The following ERBB4 variants were observed in gnomAD, a reference collection of about 807,000 sequenced individuals.
The protein encoded by ERBB4 is erb-b2 receptor tyrosine kinase 4.
Under a neutral mutation model 158.0 loss-of-function variants are expected in ERBB4, and 42 were observed. The ratio of observed to expected loss-of-function variants is 0.27; its 90% CI spans 0.21 to 0.34. ERBB4 has a LOEUF of 0.34. Ranked by LOEUF, ERBB4 falls within the 10% of genes least tolerant of loss-of-function variation. ERBB4 has a pLI of 1.00. For missense variants in ERBB4, 1,333 were observed against 1,624.1 expected (o/e 0.82, Z 3.08); for synonymous variants, 583 against 558.7 (o/e 1.04, Z -0.61).
intron 1 of ERBB4, among the ~76,000 whole-genome samples, chr2:212,152,288 A>G (rs2080897383): frequency 6.6e-6 from 1 of 152,166 alleles, no homozygotes; most frequent in Admixed American, 6.6e-5. Flanking sequence ...GGAGTTATTA[A>G]TAATGCCTTC....
At chr2:212,148,639 G>C (rs1156656214) in intron 1 of ERBB4, among the ~76,000 whole-genome samples, 2 of 152,028 alleles carry the variant, frequency 1.3e-5, no homozygotes, top group Non-Finnish European at 2.9e-5. Context: ...CACAGTTTAA[G>C]AATAGTAAAT....
At chr2:212,432,914 C>G (rs1174561342) in intron 1 of ERBB4, among the ~76,000 whole-genome samples, 1 of 151,930 alleles carries the variant, frequency 6.6e-6, no homozygotes, top group Non-Finnish European at 1.5e-5. Flanking sequence ...GGAATCATCT[C>G]GAAGTCTGAT....
chr2:211,712,376 C>A (rs1265500378), intron 8 of ERBB4, among the ~76,000 whole-genome samples, 200 bp from the exon 9 acceptor site: 1 of 152,092 alleles, frequency 6.6e-6, no homozygotes, highest in African/African-American at 2.4e-5. Flanking sequence ...CTTGTCCCTG[C>A]ATTAAAATCG....
intron 1 of ERBB4, among the ~76,000 whole-genome samples, chr2:212,531,610 G>A (rs989921270): frequency 6.6e-6 from 1 of 152,062 alleles, no homozygotes; most frequent in Admixed American, 6.5e-5. Context: ...TGGTGATGAG[G>A]AACCCACTGT....
intron 3 of ERBB4, among the ~76,000 whole-genome samples, chr2:211,944,053 C>T (rs988497367): frequency 2.2e-5 from 3 of 135,290 alleles, no homozygotes; most frequent in Non-Finnish European, 4.7e-5. Flanking sequence ...AAACGCAAAC[C>T]ATATATATAT....
At chr2:212,299,768 G>A (rs190383406) in intron 1 of ERBB4, among the ~76,000 whole-genome samples, 1 of 151,606 alleles carries the variant, frequency 6.6e-6, no homozygotes, top group Non-Finnish European at 1.5e-5. Flanking sequence ...GCAGTCTGTT[G>A]TTTGAAAAAG....
rs1480128851 is a variant in ERBB4 at position 211,383,544 on chromosome 2, A to C, written c.*71T>G. ...CTGGCCTTGGGGTAGAAGGAAGACC[A>C]CCAGAGAAAGAGAGGGGGGTGGGGA... On this transcript the variant is annotated 3_prime_UTR_variant, in exon 28 of 28. Coordinates refer to ENST00000342788, the MANE Select transcript of ERBB4 (RefSeq NM_005235.3). 3.8e-6 allele frequency: 5 copies of C among 1,303,010 alleles called. No individual in the cohort carries two copies. The highest frequency in any genetic ancestry group is 4.4e-6 in the Non-Finnish European group (4 of 900,866). 80.7% of individuals were successfully genotyped at this position (1,303,010 alleles called of 1,614,324 possible). A position where few individuals can be genotyped will look rare whatever the true frequency, so the allele number is the denominator to read the frequency against.
At chr2:212,410,238 A>G (rs1218098766) in intron 1 of ERBB4, among the ~76,000 whole-genome samples, 2 of 140,994 alleles carry the variant, frequency 1.4e-5, no homozygotes, top group African/African-American at 5.3e-5. Flanking sequence ...TAATGTATTT[A>G]TTGCTATGTT....
chr2:211,943,156 T>C (rs2080553207), intron 3 of ERBB4, among the ~76,000 whole-genome samples: 1 of 152,018 alleles, frequency 6.6e-6, no homozygotes, highest in African/African-American at 2.4e-5. Flanking sequence ...TTACCAACCA[T>C]TAGTAACAGA....
chr2:212,441,063 C>A (rs1232246915), intron 1 of ERBB4, among the ~76,000 whole-genome samples: 1 of 152,168 alleles, frequency 6.6e-6, no homozygotes, highest in African/African-American at 2.4e-5. Context: ...GATGCATGCA[C>A]AGCCTCACCA....
At chr2:212,058,760 T>A (rs2077662835) in intron 2 of ERBB4, among the ~76,000 whole-genome samples, 2 of 152,182 alleles carry the variant, frequency 1.3e-5, no homozygotes, top group African/African-American at 4.8e-5. Context: ...CTAAAAACTC[T>A]CAATAAATTA....
chr2:212,036,262 TAAAAA>T (rs1389809468), intron 2 of ERBB4, among the ~76,000 whole-genome samples: 2 of 152,042 alleles, frequency 1.3e-5, no homozygotes, highest in Non-Finnish European at 2.9e-5. Context: ...AAACTTGATT[TAAAAA>T]AAGGATAAAA....
At chr2:211,696,954 G>A (rs959483559) in intron 12 of ERBB4, among the ~76,000 whole-genome samples, 4 of 152,216 alleles carry the variant, frequency 2.6e-5, no homozygotes, top group African/African-American at 9.6e-5. Context: ...ACAGGCGTGA[G>A]CCACCATGCC....
chr2:212,506,890 C>T (rs1228021528), intron 1 of ERBB4, among the ~76,000 whole-genome samples: 3 of 152,170 alleles, frequency 2.0e-5, no homozygotes, highest in Non-Finnish European at 4.4e-5. Context: ...ATACACTAAA[C>T]AACAGATTTT....
At chr2:211,469,837 T>C (rs1245183665) in intron 20 of ERBB4, among the ~76,000 whole-genome samples, 2 of 152,140 alleles carry the variant, frequency 1.3e-5, no homozygotes, top group African/African-American at 4.8e-5. Flanking sequence ...TAGGAAAAGA[T>C]TTAGCAGAAC....
At chr2:211,385,852 CCAAGTCTTCACAACGTCTACATTTG>C (rs1256832898) in intron 27 of ERBB4, among the ~76,000 whole-genome samples, 2 of 152,118 alleles carry the variant, frequency 1.3e-5, no homozygotes, top group Non-Finnish European at 2.9e-5. Context: ...GGTGAATCTG[CCAAGTCTTCACAACGTCTACATTTG>C]TGTCATTACT....
At chr2:212,299,628 A>T (rs1054776971) in intron 1 of ERBB4, among the ~76,000 whole-genome samples, 1 of 151,558 alleles carries the variant, frequency 6.6e-6, no homozygotes. Flanking sequence ...AGAGGTAATG[A>T]TATAGCATTA....
intron 1 of ERBB4, among the ~76,000 whole-genome samples, chr2:212,435,756 C>T (rs1402562266): frequency 1.3e-5 from 2 of 151,948 alleles, no homozygotes; most frequent in African/African-American, 4.8e-5. Context: ...GATAAGAAAA[C>T]ATAGTCTTAA....
intron 22 of ERBB4, among the ~76,000 whole-genome samples, 196 bp downstream of exon 22, chr2:211,428,212 T>TAAAAC (rs944852900): frequency 2.2e-3 from 174 of 80,068 alleles, no homozygotes; most frequent in African/African-American, 0.017. Context: ...TCGCAGAACT[T>TAAAAC]AAAATAAAAT....
Sources: allele counts gnomAD v4.1 joint callset (sites outside exome capture counted in the v4.1 genomes callset), GRCh38; gene constraint gnomAD v4.1.1; transcripts MANE v1.5; gene names NCBI Gene and HGNC (gene_info 2026-07-23, HGNC 2026-07-21).